Variants in SUSD4 observed in about 807,000 individuals in gnomAD.
SUSD4 encodes the protein sushi domain-containing protein 4.
In SUSD4, 41 loss-of-function variants were observed where a neutral mutation model predicts 50.5. The ratio of observed to expected loss-of-function variants is 0.81; its 90% CI spans 0.63 to 1.05. SUSD4 has a LOEUF of 1.05. Among genes scored for constraint, SUSD4 ranks in the 50% least tolerant of loss-of-function variants. The pLI is 0.00. For synonymous variants in SUSD4, 257 were observed against 257.3 expected, an observed-to-expected ratio of 1.00 and a Z score of 0.01; for missense variants, 580 against 634.7, an observed-to-expected ratio of 0.91 and a Z score of 0.93.
At chr1:223,276,808 C>T (rs1263884958) in intron 3 of SUSD4, among the ~76,000 whole-genome samples, 2 of 152,094 alleles carry the variant, frequency 1.3e-5, no homozygotes, top group Admixed American at 1.3e-4. Flanking sequence ...TGGGGGAAGA[C>T]ATGCAAATAC....
intron 2 of SUSD4, among the ~76,000 whole-genome samples, chr1:223,340,490 C>G (rs1278267817): frequency 6.6e-6 from 1 of 152,174 alleles, no homozygotes; most frequent in Non-Finnish European, 1.5e-5. Context: ...GGAAAAGTGT[C>G]CTGGAGAAGG....
chr1:223,322,700 G>A (rs373935712), intron 2 of SUSD4, among the ~76,000 whole-genome samples: 3 of 152,124 alleles, frequency 2.0e-5, no homozygotes, highest in Admixed American at 1.3e-4. Context: ...ATATGCATGC[G>A]AGGCGGGGAG....
At chr1:223,252,236 A>AAAAAATATATATATATAT (rs1343732568) in intron 5 of SUSD4, among the ~76,000 whole-genome samples, 1 of 89,728 alleles carries the variant, frequency 1.1e-5, no homozygotes, top group African/African-American at 4.1e-5. Context: ...AAAAAAAAAA[A>AAAAAATATATATATATAT]ATATATATAT....
intron 2 of SUSD4, among the ~76,000 whole-genome samples, chr1:223,357,093 A>G (rs1427445344): frequency 6.6e-6 from 1 of 152,170 alleles, no homozygotes; most frequent in Admixed American, 6.5e-5. Context: ...CAAAGCAGGT[A>G]AGAGTCAAGC....
chr1:223,254,727 G>A (rs571561792), intron 5 of SUSD4, among the ~76,000 whole-genome samples: 87 of 152,284 alleles, frequency 5.7e-4, no homozygotes, highest in Non-Finnish European at 1.0e-3. Flanking sequence ...TTGATGCCAT[G>A]GCACAATCTA....
At chr1:223,300,288 A>C (rs1466923194) in intron 2 of SUSD4, among the ~76,000 whole-genome samples, 1 of 152,176 alleles carries the variant, frequency 6.6e-6, no homozygotes, top group Non-Finnish European at 1.5e-5. Flanking sequence ...TCTGGTTCTC[A>C]ATGAAGGCTG....
intron 5 of SUSD4, among the ~76,000 whole-genome samples, chr1:223,244,407 C>T (rs966578199): frequency 5.3e-5 from 8 of 152,080 alleles, no homozygotes; most frequent in Non-Finnish European, 8.8e-5. Flanking sequence ...GAAAAGGGCC[C>T]GGGTCTAGGA....
chr1:223,235,374 A>T (rs1660150795), intron 5 of SUSD4, among the ~76,000 whole-genome samples: 1 of 152,120 alleles, frequency 6.6e-6, no homozygotes, highest in Admixed American at 6.5e-5. Context: ...TATCACTCAG[A>T]GTCGAGTTTA....
At chr1:223,260,424 A>G (rs1023060919) in intron 5 of SUSD4, among the ~76,000 whole-genome samples, 1 of 152,220 alleles carries the variant, frequency 6.6e-6, no homozygotes, top group Admixed American at 6.5e-5. Context: ...TTTAGTTTTT[A>G]AAGATTTCTT....
intron 2 of SUSD4, among the ~76,000 whole-genome samples, chr1:223,310,948 G>GC (rs1281810764): frequency 1.3e-5 from 2 of 152,078 alleles, no homozygotes; most frequent in Non-Finnish European, 1.5e-5. Context: ...TCCCTTTAGT[G>GC]CCCCCTCTAA....
At chr1:223,246,777 G>A (rs1240560227) in intron 5 of SUSD4, among the ~76,000 whole-genome samples, 1 of 152,134 alleles carries the variant, frequency 6.6e-6, no homozygotes, top group African/African-American at 2.4e-5. Flanking sequence ...GTGGGAGGGG[G>A]GCTGAGATGA....
chr1:223,304,671 T>C (rs971485588), intron 2 of SUSD4, among the ~76,000 whole-genome samples: 3 of 150,676 alleles, frequency 2.0e-5, no homozygotes, highest in African/African-American at 4.9e-5. Context: ...CTTTCAATAA[T>C]GTAGCTGGTG....
At chr1:223,268,283 G>T (rs1662660810) in intron 4 of SUSD4, among the ~76,000 whole-genome samples, 1 of 151,922 alleles carries the variant, frequency 6.6e-6, no homozygotes, top group South Asian at 2.1e-4. Context: ...TTAAAACTGG[G>T]TGTATGGAGC....
chr1:223,239,259 C>T (rs1341428446), intron 5 of SUSD4, among the ~76,000 whole-genome samples: 1 of 151,978 alleles, frequency 6.6e-6, no homozygotes, highest in African/African-American at 2.4e-5. Context: ...TTGTAAAAAA[C>T]AGATAGTTGA....
chr1:223,233,681 T>C (rs915756052), intron 5 of SUSD4, among the ~76,000 whole-genome samples: 3 of 152,182 alleles, frequency 2.0e-5, no homozygotes, highest in Non-Finnish European at 4.4e-5. Flanking sequence ...TGAGTAAAAG[T>C]GGACCGGGCT....
At chr1:223,247,829 G>A (rs971219189) in intron 5 of SUSD4, among the ~76,000 whole-genome samples, 1 of 152,082 alleles carries the variant, frequency 6.6e-6, no homozygotes, top group Non-Finnish European at 1.5e-5. Flanking sequence ...GAGAAGCACC[G>A]TCCCCACAGT....
intron 3 of SUSD4, among the ~76,000 whole-genome samples, chr1:223,288,521 T>C (rs1159752561): frequency 6.6e-6 from 1 of 152,200 alleles, no homozygotes; most frequent in Non-Finnish European, 1.5e-5. Context: ...TCATAGCCTA[T>C]GTAAGATTCT....
At chr1:223,284,841 AAGAGGCTACTAG>A (rs1363530890) in intron 3 of SUSD4, among the ~76,000 whole-genome samples, 1 of 152,162 alleles carries the variant, frequency 6.6e-6, no homozygotes, top group African/African-American at 2.4e-5. Flanking sequence ...AAAAGTAGAA[AAGAGGCTACTAG>A]AGGCTGGGAA....
Position 223,264,762 on chromosome 1 carries a change from T to C in SUSD4, c.592A>G (p.Thr198Ala), listed in dbSNP as rs750392138. 1 of 1,613,290 alleles carries C rather than the reference T, an allele frequency of 6.2e-7. No individual in the cohort carries two copies. Among genetic ancestry groups the C allele is most frequent in the Non-Finnish European group, 8.5e-7 (1 of 1,179,746 alleles). The change falls in exon 5 of 9, where the codon ACC becomes GCC. Residue 198 changes from threonine (T) to alanine (A), a missense_variant. By Grantham distance (58) the Thr-to-Ala change is moderately conservative (BLOSUM62 0). Coordinates refer to ENST00000366878, the MANE Select transcript of SUSD4 (RefSeq NM_017982.4). The stretch of plus-strand genomic sequence containing the variant: ...ATCACAGTCCCCACCGGGAAGGAGG[T>C]CTGGAGCTCAGAGATGTTTACATAG... ...NGYVNISELQ[T>A]SFPVGTVISY...
Sources: gnomAD v4.1 joint callset for allele counts (sites outside exome capture counted in the v4.1 genomes callset) on GRCh38, gnomAD v4.1.1 for gene constraint, MANE v1.5 for transcripts, NCBI Gene and HGNC (gene_info 2026-07-23, HGNC 2026-07-21) for gene names.